KCNQ5: variants seen among roughly 807,000 people sequenced by gnomAD.
KCNQ5 encodes potassium voltage-gated channel subfamily KQT member 5.
A neutral mutation model predicts 98.2 loss-of-function variants in KCNQ5; 30 were observed. The ratio of observed to expected loss-of-function variants is 0.31; its 90% CI spans 0.23 to 0.41. The LOEUF (loss-of-function observed/expected upper bound fraction) is 0.41. Ranked by LOEUF, KCNQ5 falls within the 10% of genes least tolerant of loss-of-function variation. The pLI is 1.00. For missense variants in KCNQ5, 835 were observed against 1,182.5 expected (o/e 0.71, Z 4.31); for synonymous variants, 458 against 449.4 (o/e 1.02, Z -0.24).
chr6:72,788,900 TC>T (rs767256766), intron 1 of KCNQ5, among the ~76,000 whole-genome samples: 1 of 152,180 alleles, frequency 6.6e-6, no homozygotes, highest in Non-Finnish European at 1.5e-5. Flanking sequence ...CCTTGTCCTT[TC>T]TTATTTGTTG....
At chr6:73,083,668 A>T (rs1166406928) in intron 5 of KCNQ5, among the ~76,000 whole-genome samples, 2 of 152,342 alleles carry the variant, frequency 1.3e-5, no homozygotes, top group East Asian at 3.9e-4. Context: ...GATTATCTGC[A>T]TTAGTCAAAT....
chr6:72,894,165 A>G (rs956060080), intron 1 of KCNQ5, among the ~76,000 whole-genome samples: 1 of 152,152 alleles, frequency 6.6e-6, no homozygotes, highest in African/African-American at 2.4e-5. Context: ...TATCATCTCT[A>G]TTGACTCAAA....
At chr6:72,722,179 G>T (rs1232170845) in intron 1 of KCNQ5, among the ~76,000 whole-genome samples, 1 of 152,168 alleles carries the variant, frequency 6.6e-6, no homozygotes, top group Admixed American at 6.5e-5. Context: ...CTGGTACCTT[G>T]ACTTTAGCCC....
chr6:72,650,917 G>C (rs1254361784), intron 1 of KCNQ5, among the ~76,000 whole-genome samples: 1 of 152,022 alleles, frequency 6.6e-6, no homozygotes, highest in Non-Finnish European at 1.5e-5. Context: ...ATGGTCAGAG[G>C]GGGTCGTGTT....
intron 1 of KCNQ5, among the ~76,000 whole-genome samples, chr6:72,878,124 G>A (rs1161700544): frequency 6.6e-6 from 1 of 152,156 alleles, no homozygotes; most frequent in African/African-American, 2.4e-5. Flanking sequence ...CAAAAAATTA[G>A]CGGGGCATGG....
At chr6:73,148,026 T>C (rs949678535) in intron 10 of KCNQ5, among the ~76,000 whole-genome samples, 1 of 152,020 alleles carries the variant, frequency 6.6e-6, no homozygotes, top group Non-Finnish European at 1.5e-5. Context: ...ATATAACATA[T>C]GCAATTAAAA....
chr6:72,881,473 A>G (rs994863825), intron 1 of KCNQ5, among the ~76,000 whole-genome samples: 2 of 152,180 alleles, frequency 1.3e-5, no homozygotes, highest in Admixed American at 1.3e-4. Context: ...TTCACTTAAT[A>G]AACAATTATT....
intron 2 of KCNQ5, among the ~76,000 whole-genome samples, chr6:73,011,876 C>T (rs540577018): frequency 2.6e-5 from 4 of 151,874 alleles, no homozygotes; most frequent in Admixed American, 2.0e-4. Context: ...AGATGCTCAA[C>T]ATTATTAATC....
chr6:73,186,052 C>G (rs1778559294), intron 11 of KCNQ5, among the ~76,000 whole-genome samples: 1 of 151,502 alleles, frequency 6.6e-6, no homozygotes, highest in South Asian at 2.1e-4. Flanking sequence ...TAGGGAGACC[C>G]CCCCTATCTC....
Position 73,051,730 on chromosome 6 carries a change from A to C in KCNQ5, c.616+9668A>C, listed in dbSNP as rs1019658459. 1.5e-4 allele frequency among the ~76,000 whole-genome samples: 22 copies of C among 149,504 alleles called. 1 individual carries two copies. The highest frequency in any genetic ancestry group is 1.4e-3 in the East Asian group (7 of 5,126). On this transcript the variant is annotated intron_variant, in intron 3 of 13. Coordinates refer to ENST00000370398, the MANE Select transcript of KCNQ5 (RefSeq NM_019842.4). ...CAAAAAAAAAAAAAAAAAAAAAAAAAAAAAAAAAAACTATCCAAAGGACAG... is the reference window on the plus strand; with the variant it reads ...CAAAAAAAAAAAAAAAAAAAAAAAACAAAAAAAAAACTATCCAAAGGACAG...
intron 1 of KCNQ5, among the ~76,000 whole-genome samples, chr6:72,870,708 A>G (rs772761673): frequency 2.6e-5 from 4 of 152,246 alleles, no homozygotes; most frequent in Non-Finnish European, 2.9e-5. Flanking sequence ...CTAAAAAATT[A>G]CTTATTTGAA....
intron 1 of KCNQ5, among the ~76,000 whole-genome samples, chr6:72,784,674 C>T (rs1343414631): frequency 1.3e-5 from 2 of 152,184 alleles, no homozygotes; most frequent in African/African-American, 4.8e-5. Context: ...GCTGCACCTC[C>T]AACCTGCATT....
intron 1 of KCNQ5, among the ~76,000 whole-genome samples, chr6:72,753,255 T>A (rs1186323108): frequency 2.6e-5 from 4 of 152,146 alleles, no homozygotes; most frequent in African/African-American, 9.6e-5. Context: ...GCTTTTAAGA[T>A]GAATCCATTT....
intron 5 of KCNQ5, among the ~76,000 whole-genome samples, chr6:73,097,921 G>T (rs1288769356): frequency 6.6e-6 from 1 of 152,044 alleles, no homozygotes; most frequent in Non-Finnish European, 1.5e-5. Flanking sequence ...CTACAAACAA[G>T]CCCAGATTAC....
chr6:72,646,250 C>CAT (rs533048782), intron 1 of KCNQ5, among the ~76,000 whole-genome samples: 17 of 151,682 alleles, frequency 1.1e-4, no homozygotes, highest in East Asian at 3.9e-4. Context: ...TACATATACA[C>CAT]ATATATATAT....
intron 1 of KCNQ5, among the ~76,000 whole-genome samples, chr6:72,742,758 C>G (rs1345396948): frequency 1.3e-5 from 2 of 152,226 alleles, no homozygotes; most frequent in South Asian, 2.1e-4. Context: ...CAGTGATATT[C>G]CTTTAGGCCA....
At chr6:72,986,919 A>G in intron 1 of KCNQ5, 1 of 845,696 alleles carries the variant, frequency 1.2e-6, no homozygotes, top group Admixed American at 2.0e-5. Flanking sequence ...AAGAAGGGTG[A>G]GGAACAGGCA....
chr6:72,861,841 C>T (rs1431779021), intron 1 of KCNQ5, among the ~76,000 whole-genome samples: 2 of 147,014 alleles, frequency 1.4e-5, no homozygotes, highest in Non-Finnish European at 3.1e-5. Context: ...AAAAAAAAAC[C>T]TGGATCCACC....
chr6:72,733,700 A>G (rs904320500), intron 1 of KCNQ5, among the ~76,000 whole-genome samples: 4 of 152,218 alleles, frequency 2.6e-5, no homozygotes, highest in Admixed American at 2.6e-4. Context: ...AGGAAGAAAG[A>G]AAACCTGGAT....
Sources: allele counts gnomAD v4.1 joint callset (sites outside exome capture counted in the v4.1 genomes callset), GRCh38; gene constraint gnomAD v4.1.1; transcripts MANE v1.5; gene names NCBI Gene and HGNC (gene_info 2026-07-23, HGNC 2026-07-21).